MITF: variants seen among roughly 807,000 people sequenced by gnomAD.
The protein encoded by MITF is melanocyte inducing transcription factor.
Under a neutral mutation model 60.5 loss-of-function variants are expected in MITF, and 17 were observed. The ratio of observed to expected loss-of-function variants is 0.28; its 90% CI spans 0.19 to 0.42. The LOEUF (loss-of-function observed/expected upper bound fraction) is 0.42, where lower values mean the gene tolerates loss of function less well. Among genes scored for constraint, MITF ranks in the 10% least tolerant of loss-of-function variants. The pLI is 1.00. For missense variants in MITF, 622 were observed against 683.5 expected, an observed-to-expected ratio of 0.91 and a Z score of 1.00; for synonymous variants, 260 against 248.5, an observed-to-expected ratio of 1.05 and a Z score of -0.43.
chr3:69,939,820 C>T (rs1465605060), intron 4 of MITF, among the ~76,000 whole-genome samples: 2 of 152,124 alleles, frequency 1.3e-5, no homozygotes, highest in Non-Finnish European at 2.9e-5. Context: ...AATGCTATTA[C>T]ATCAAGCCCA....
intron 1 of MITF, among the ~76,000 whole-genome samples, chr3:69,812,081 A>T (rs939511137): frequency 2.0e-5 from 3 of 152,152 alleles, no homozygotes; most frequent in Non-Finnish European, 4.4e-5. Flanking sequence ...AGAACATTAG[A>T]TTAGTAGAAA....
intron 1 of MITF, among the ~76,000 whole-genome samples, chr3:69,770,490 A>G (rs1245356571): frequency 6.6e-6 from 1 of 152,218 alleles, no homozygotes; most frequent in Non-Finnish European, 1.5e-5. Flanking sequence ...ATTTTGTTGT[A>G]CTTACAATTC....
intron 2 of MITF, among the ~76,000 whole-genome samples, chr3:69,907,998 A>G (rs1397758791): frequency 6.6e-6 from 1 of 152,210 alleles, no homozygotes; most frequent in Admixed American, 6.5e-5. Flanking sequence ...AGAATGAGGG[A>G]AGTAAACCAA....
At chr3:69,946,923 C>G (rs777388470) in intron 5 of MITF, among the ~76,000 whole-genome samples, 5 of 152,156 alleles carry the variant, frequency 3.3e-5, no homozygotes, top group African/African-American at 4.8e-5. Flanking sequence ...TTGTCTCCCC[C>G]ACCCTGTCCA....
At chr3:69,930,729 A>G (rs2065702538) in intron 2 of MITF, among the ~76,000 whole-genome samples, 1 of 152,274 alleles carries the variant, frequency 6.6e-6, no homozygotes, top group South Asian at 2.1e-4. Context: ...CGGCTGGGTC[A>G]GCATCCCCTG....
At chr3:69,748,420 T>C (rs2106760297) in intron 1 of MITF, among the ~76,000 whole-genome samples, 1 of 152,264 alleles carries the variant, frequency 6.6e-6, no homozygotes, top group African/African-American at 2.4e-5. Context: ...TTTGTATTTT[T>C]AGTAGAGGTG....
chr3:69,798,604 T>C (rs2062868358), intron 1 of MITF, among the ~76,000 whole-genome samples: 1 of 152,258 alleles, frequency 6.6e-6, no homozygotes, highest in African/African-American at 2.4e-5. Flanking sequence ...GCCCAGCTAC[T>C]ATCATCTCTC....
chr3:69,926,823 A>G (rs1163178341), intron 2 of MITF, among the ~76,000 whole-genome samples: 1 of 152,246 alleles, frequency 6.6e-6, no homozygotes, highest in South Asian at 2.1e-4. Context: ...AGAAAAAACA[A>G]AGTCCTCTCC....
In MITF at chr3:69,796,105, C is replaced by G. The variant is rs946615368; in HGVS notation, c.104+56404C>G. Reference sequence around the variant, plus strand: ...CAAATGATTCTCCTGTCTCAGACTCCCGAGTAGTAGGGATTACAGGCATGT... The same window carrying G: ...CAAATGATTCTCCTGTCTCAGACTCGCGAGTAGTAGGGATTACAGGCATGT... On this transcript the variant is annotated intron_variant, in intron 1 of 9. Coordinates refer to ENST00000352241, the MANE Select transcript of MITF (RefSeq NM_001354604.2). Among the ~76,000 whole-genome samples the G allele has an allele frequency of 3.9e-5, 6 of 152,210 alleles. 1 individual carries two copies. The East Asian group carries it at 1.2e-3, about 30-fold the overall frequency.
chr3:69,793,342 C>G (rs2062772991), intron 1 of MITF, among the ~76,000 whole-genome samples: 1 of 152,140 alleles, frequency 6.6e-6, no homozygotes, highest in Non-Finnish European at 1.5e-5. Context: ...TGATTTACCT[C>G]TTTGAATTTT....
chr3:69,892,845 C>T (rs774252007), intron 2 of MITF, among the ~76,000 whole-genome samples: 1 of 152,196 alleles, frequency 6.6e-6, no homozygotes, highest in Non-Finnish European at 1.5e-5. Flanking sequence ...GTCTTTTACA[C>T]TGGGGCATTG....
At chr3:69,787,970 A>G (rs1345941140) in intron 1 of MITF, among the ~76,000 whole-genome samples, 1 of 152,078 alleles carries the variant, frequency 6.6e-6, no homozygotes, top group Non-Finnish European at 1.5e-5. Context: ...CATCACAGCA[A>G]CCCTGTGAAG....
chr3:69,950,114 C>T (rs1055049023), intron 6 of MITF, among the ~76,000 whole-genome samples: 1 of 151,918 alleles, frequency 6.6e-6, no homozygotes, highest in African/African-American at 2.4e-5. Context: ...AAAATTACTG[C>T]AAGACAACAA....
chr3:69,949,021 T>A, intron 5 of MITF, 30 bp from the exon 6 acceptor site: 1 of 1,465,590 alleles, frequency 6.8e-7, no homozygotes, highest in South Asian at 1.1e-5. Context: ...GTTCAACAGT[T>A]AATTTCTGTT....
In MITF at chr3:69,967,878, G is replaced by A. The variant is rs2066729594; in HGVS notation, c.*2630G>A. Reference sequence around the variant, plus strand: ...TCGGGGTTGGGCCTCTATATGGAGTGACCAAAATGCCAAAATTGTCCATCT... The same window carrying A: ...TCGGGGTTGGGCCTCTATATGGAGTAACCAAAATGCCAAAATTGTCCATCT... On this transcript the variant is annotated 3_prime_UTR_variant, in exon 10 of 10. Coordinates refer to ENST00000352241, the MANE Select transcript of MITF (RefSeq NM_001354604.2). 8.6e-6 allele frequency: 2 copies of A among 233,240 alleles called. No individual in the cohort carries two copies. Among genetic ancestry groups the A allele is most frequent in the Non-Finnish European group, 1.7e-5 (2 of 117,922 alleles). 14.4% of individuals were successfully genotyped at this position (233,240 alleles called of 1,614,324 possible).
intron 2 of MITF, among the ~76,000 whole-genome samples, chr3:69,893,393 G>A (rs899201927): frequency 2.0e-5 from 3 of 151,944 alleles, no homozygotes; most frequent in African/African-American, 4.8e-5. Context: ...GAGTTAGATC[G>A]GGCGATATCC....
intron 7 of MITF, among the ~76,000 whole-genome samples, chr3:69,954,411 G>A (rs1170263725): frequency 1.3e-5 from 2 of 152,146 alleles, no homozygotes; most frequent in African/African-American, 4.8e-5. Flanking sequence ...GTGTCAGCAT[G>A]GACATGGGAG....
At chr3:69,765,782 G>T (rs555652630) in intron 1 of MITF, among the ~76,000 whole-genome samples, 296 of 152,252 alleles carry the variant, frequency 1.9e-3, no homozygotes, top group Non-Finnish European at 3.5e-3. Context: ...GATAAGTTAT[G>T]ATTATTCAGT....
In MITF at chr3:69,968,309, C is replaced by G; in HGVS notation, c.*3061C>G. The G allele has an allele frequency of 8.8e-6, 2 of 228,326 alleles. No individual in the cohort carries two copies. Among genetic ancestry groups the G allele is most frequent in the Non-Finnish European group, 1.7e-5 (2 of 114,812 alleles). 14.1% of individuals were successfully genotyped at this position (228,326 alleles called of 1,614,324 possible). A position where few individuals can be genotyped will look rare whatever the true frequency, so the allele number is the denominator to read the frequency against. On this transcript the variant is annotated 3_prime_UTR_variant, in exon 10 of 10. Transcript: ENST00000352241. Reference sequence around the variant, plus strand: ...AAATAATCGACTTGTTCTTGATAGCCTCATTAAAGCATTTGGTTTTTCACA... The same window carrying G: ...AAATAATCGACTTGTTCTTGATAGCGTCATTAAAGCATTTGGTTTTTCACA...
Sources: gnomAD v4.1 joint callset for allele counts (sites outside exome capture counted in the v4.1 genomes callset) on GRCh38, gnomAD v4.1.1 for gene constraint, MANE v1.5 for transcripts, NCBI Gene and HGNC (gene_info 2026-07-23, HGNC 2026-07-21) for gene names.